SMIM35: variants seen among roughly 807,000 people sequenced by gnomAD.
The protein encoded by SMIM35 is TMPRSS4 antisense RNA 1 (non-protein coding).
intron 1 of SMIM35, among the ~76,000 whole-genome samples, chr11:118,042,871 C>T (rs1195267506): frequency 6.6e-6 from 1 of 152,188 alleles, no homozygotes; most frequent in African/African-American, 2.4e-5. Flanking sequence ...ATTCTTGTAA[C>T]ACATCGTACC....
intron 4 of SMIM35, among the ~76,000 whole-genome samples, chr11:118,007,878 T>A (rs1314434164): frequency 6.6e-6 from 1 of 151,858 alleles, no homozygotes; most frequent in South Asian, 2.1e-4. Flanking sequence ...TGCTTTCTTT[T>A]TTTTTTTTTC....
chr11:118,080,309 C>T (rs1945021209), intron 1 of SMIM35, among the ~76,000 whole-genome samples: 2 of 152,184 alleles, frequency 1.3e-5, no homozygotes, highest in African/African-American at 2.4e-5. Context: ...GCTCCAGACA[C>T]AGGGGACTGC....
intron 1 of SMIM35, among the ~76,000 whole-genome samples, chr11:118,041,944 G>A (rs546882904): frequency 2.6e-5 from 4 of 151,604 alleles, no homozygotes; most frequent in South Asian, 4.2e-4. Context: ...CTAGCTACTC[G>A]GGAGGCTGAA....
At chr11:118,033,640 G>A (rs936205151) in intron 1 of SMIM35, among the ~76,000 whole-genome samples, 20 of 152,158 alleles carry the variant, frequency 1.3e-4, no homozygotes, top group African/African-American at 4.8e-4. Flanking sequence ...GGGTTTCAGT[G>A]ATCTCCTGAT....
chr11:118,075,021 C>A (rs1944634397), intron 1 of SMIM35, among the ~76,000 whole-genome samples: 1 of 152,244 alleles, frequency 6.6e-6, no homozygotes, highest in South Asian at 2.1e-4. Context: ...CATGCCCAGA[C>A]AGCTGCCTCT....
At chr11:118,055,404 C>T (rs1393899109) in intron 1 of SMIM35, among the ~76,000 whole-genome samples, 1 of 152,170 alleles carries the variant, frequency 6.6e-6, no homozygotes, top group East Asian at 1.9e-4. Flanking sequence ...ATTTCAACAG[C>T]CTTACTCACT....
intron 1 of SMIM35, among the ~76,000 whole-genome samples, chr11:118,077,795 C>T (rs566392368): frequency 1.8e-4 from 27 of 152,058 alleles, no homozygotes; most frequent in African/African-American, 5.5e-4. Flanking sequence ...ACAGATCTCT[C>T]GAGGTCAGGA....
chr11:118,072,363 C>A lies in SMIM35; in HGVS notation c.7+14388G>T, dbSNP rs957962847. 1.6e-4 allele frequency among the ~76,000 whole-genome samples: 25 copies of A among 152,334 alleles called. 1 individual carries two copies. The highest frequency in any genetic ancestry group is 1.6e-3 in the Admixed American group (25 of 15,308). On this transcript the variant is annotated intron_variant, in intron 1 of 4. Coordinates refer to ENST00000689828, the MANE Select transcript of SMIM35 (RefSeq NM_001394165.1). ...GTTAGCTGGGTGTGATGGCAGAGAC[C>A]TGTAATCCCAGCTACTCCGGAGGCT...
chr11:118,039,123 C>G (rs1384624032), intron 1 of SMIM35, among the ~76,000 whole-genome samples: 1 of 152,122 alleles, frequency 6.6e-6, no homozygotes, highest in African/African-American at 2.4e-5. Flanking sequence ...CTTTCTAAAA[C>G]AACTCTGGCT....
intron 1 of SMIM35, among the ~76,000 whole-genome samples, chr11:118,082,946 C>A (rs1007303438): frequency 6.6e-6 from 1 of 152,178 alleles, no homozygotes; most frequent in African/African-American, 2.4e-5. Flanking sequence ...TTTAGCTCCA[C>A]TGAAATCAAA....
At chr11:118,081,371 G>A (rs1334780767) in intron 1 of SMIM35, among the ~76,000 whole-genome samples, 1 of 152,150 alleles carries the variant, frequency 6.6e-6, no homozygotes, top group African/African-American at 2.4e-5. Flanking sequence ...ATCCCCCTGT[G>A]ACACGTCTAA....
chr11:118,080,333 A>T (rs1324028794), intron 1 of SMIM35, among the ~76,000 whole-genome samples: 1 of 152,220 alleles, frequency 6.6e-6, no homozygotes, highest in East Asian at 1.9e-4. Context: ...TGTGAACAGC[A>T]AGAAAGAGTG....
At chr11:118,025,267 T>C (rs2058265632) in intron 1 of SMIM35, 1 of 305,668 alleles carries the variant, frequency 3.3e-6, no homozygotes, top group South Asian at 3.0e-5. Context: ...CTGCTTATTT[T>C]CTTTTGGGTA....
At chr11:118,084,051 A>G (rs927821795) in intron 1 of SMIM35, among the ~76,000 whole-genome samples, 4 of 152,166 alleles carry the variant, frequency 2.6e-5, no homozygotes, top group Non-Finnish European at 5.9e-5. Flanking sequence ...AACAAAACAA[A>G]AAAACAATTA....
chr11:118,035,585 C>T (rs2058353162), intron 1 of SMIM35, among the ~76,000 whole-genome samples: 1 of 152,176 alleles, frequency 6.6e-6, no homozygotes, highest in South Asian at 2.1e-4. Flanking sequence ...GGCATGCCTG[C>T]CCCTGCCAGT....
At chr11:118,068,973 T>C (rs1187126227) in intron 1 of SMIM35, among the ~76,000 whole-genome samples, 1 of 152,210 alleles carries the variant, frequency 6.6e-6, no homozygotes, top group Non-Finnish European at 1.5e-5. Flanking sequence ...AAGCATTCTC[T>C]CTTCCAACAG....
intron 1 of SMIM35, among the ~76,000 whole-genome samples, chr11:118,043,725 G>A (rs1012888313): frequency 2.0e-5 from 3 of 151,502 alleles, no homozygotes; most frequent in African/African-American, 4.9e-5. Context: ...CAGGAGAATC[G>A]CTTGAACCCG....
intron 1 of SMIM35, among the ~76,000 whole-genome samples, chr11:118,041,397 G>A (rs1333409993): frequency 2.0e-5 from 3 of 152,018 alleles, no homozygotes; most frequent in Non-Finnish European, 4.4e-5. Flanking sequence ...TAGACCATAT[G>A]CCAAGCCGTA....
chr11:118,081,450 G>A (rs1342585520), intron 1 of SMIM35, among the ~76,000 whole-genome samples: 1 of 152,202 alleles, frequency 6.6e-6, no homozygotes, highest in African/African-American at 2.4e-5. Flanking sequence ...AAACAAGATG[G>A]AAAACCGCAA....
Sources: allele counts gnomAD v4.1 joint callset (sites outside exome capture counted in the v4.1 genomes callset), GRCh38; gene constraint gnomAD v4.1.1; transcripts MANE v1.5; gene names NCBI Gene and HGNC (gene_info 2026-07-23, HGNC 2026-07-21).